The following LOC102723971 variants were observed in gnomAD, a reference collection of about 807,000 sequenced individuals.
chr9:135,614,924 G>A, the LOC102723971 span, among the ~76,000 whole-genome samples: 3 of 152,190 alleles, frequency 2.0e-5, no homozygotes, highest in Non-Finnish European at 2.9e-5. Context: ...CAGGGGTGCA[G>A]GGCTGAGGGA....
the LOC102723971 span, among the ~76,000 whole-genome samples, chr9:135,615,189 G>C: frequency 1.3e-5 from 2 of 152,168 alleles, no homozygotes; most frequent in Non-Finnish European, 1.5e-5. Flanking sequence ...CTACACAGCC[G>C]GGCACTAGCC....
At chr9:135,616,844 G>C in the LOC102723971 span, 18 of 398,588 alleles carry the variant, frequency 4.5e-5, no homozygotes, top group African/African-American at 8.2e-5. Flanking sequence ...GGCATGGGGG[G>C]GTCCAGGGCC....
chr9:135,619,889 C>CT, the LOC102723971 span, among the ~76,000 whole-genome samples: 2 of 110,150 alleles, frequency 1.8e-5, no homozygotes, highest in African/African-American at 6.9e-5. Flanking sequence ...TCCCCAATCT[C>CT]CCCCGTCTCC....
chr9:135,614,274 C>A, the LOC102723971 span: 2 of 398,822 alleles, frequency 5.0e-6, no homozygotes, highest in Non-Finnish European at 8.8e-6. Flanking sequence ...CTGCTGCTGG[C>A]CCTTGGCCTG....
the LOC102723971 span, among the ~76,000 whole-genome samples, chr9:135,615,699 A>G: frequency 1.3e-5 from 2 of 152,218 alleles, no homozygotes; most frequent in African/African-American, 4.8e-5. Flanking sequence ...GGCAACGTCC[A>G]GTCCCAGCAG....
At chr9:135,614,332 G>C in the LOC102723971 span, 2 of 398,544 alleles carry the variant, frequency 5.0e-6, no homozygotes, top group African/African-American at 2.1e-5. Flanking sequence ...CGGTACAGCC[G>C]GGCTTCAATG....
chr9:135,618,148 C>T, the LOC102723971 span: 2 of 396,510 alleles, frequency 5.0e-6, no homozygotes, highest in Admixed American at 4.4e-5. Flanking sequence ...GTAGCCCATC[C>T]GCACTCCCCT....
At chr9:135,618,725 G>T in the LOC102723971 span, among the ~76,000 whole-genome samples, 1 of 151,828 alleles carries the variant, frequency 6.6e-6, no homozygotes, top group African/African-American at 2.4e-5. Context: ...GGGGCAGTGG[G>T]TGGGGCCTTG....
chr9:135,617,245 C>T, the LOC102723971 span, among the ~76,000 whole-genome samples: 1 of 152,322 alleles, frequency 6.6e-6, no homozygotes, highest in South Asian at 2.1e-4. Context: ...GCAGGACGTG[C>T]ACTGCGGGCC....
At chr9:135,615,345 G>A in the LOC102723971 span, 12 of 398,296 alleles carry the variant, frequency 3.0e-5, no homozygotes, top group African/African-American at 8.2e-5. Context: ...CCTCTGCCCC[G>A]GCCCACACCC....
At chr9:135,617,363 C>T in the LOC102723971 span, among the ~76,000 whole-genome samples, 1 of 152,286 alleles carries the variant, frequency 6.6e-6, no homozygotes, top group South Asian at 2.1e-4. Flanking sequence ...AGCAATGTCT[C>T]GGGGTCCTGG....
the LOC102723971 span, among the ~76,000 whole-genome samples, chr9:135,619,362 G>T: frequency 6.6e-6 from 1 of 152,064 alleles, no homozygotes; most frequent in Admixed American, 6.6e-5. Context: ...GTAGTCCCAG[G>T]TGCCTCCGAT....
the LOC102723971 span, chr9:135,616,484 T>C: frequency 1.3e-5 from 5 of 396,776 alleles, no homozygotes; most frequent in Non-Finnish European, 8.9e-6. Flanking sequence ...GCAGCCACAG[T>C]GTCCCCTGGT....
chr9:135,617,030 T>A, the LOC102723971 span: 2 of 398,428 alleles, frequency 5.0e-6, no homozygotes, highest in African/African-American at 4.1e-5. Flanking sequence ...AGTGGCCAGC[T>A]CTCCCCAGCA....
the LOC102723971 span, among the ~76,000 whole-genome samples, chr9:135,617,480 G>A: frequency 6.6e-6 from 1 of 152,168 alleles, no homozygotes; most frequent in African/African-American, 2.4e-5. Context: ...GGTGGAGATA[G>A]ATGGGGCTGG....
At chr9:135,619,069 C>T in the LOC102723971 span, 1 of 399,436 alleles carries the variant, frequency 2.5e-6, no homozygotes, top group Non-Finnish European at 4.4e-6. Flanking sequence ...CCCAGGTCCC[C>T]CTGGAAGCCC....
chr9:135,618,172 G>A, the LOC102723971 span: 1 of 395,790 alleles, frequency 2.5e-6, no homozygotes, highest in Non-Finnish European at 4.4e-6. Flanking sequence ...GGCCAGGCCT[G>A]TGCCGGCTGC....
At chr9:135,616,025 C>T in the LOC102723971 span, among the ~76,000 whole-genome samples, 3 of 152,216 alleles carry the variant, frequency 2.0e-5, no homozygotes, top group Admixed American at 6.5e-5. Flanking sequence ...TCCTAGCAGA[C>T]GCTCAGTCGT....
chr9:135,616,440 G>A, the LOC102723971 span: 6 of 394,622 alleles, frequency 1.5e-5, no homozygotes, highest in South Asian at 1.4e-4. Context: ...GGGAGCTGAC[G>A]CCCCGGGGAG....
Sources: allele counts gnomAD v4.1 joint callset (sites outside exome capture counted in the v4.1 genomes callset), GRCh38; gene constraint gnomAD v4.1.1; transcripts MANE v1.5.